AOPEP: variants seen among roughly 807,000 people sequenced by gnomAD.
The protein encoded by AOPEP is aminopeptidase O (putative).
Under a neutral mutation model 98.1 loss-of-function variants are expected in AOPEP, and 77 were observed. That is an observed-to-expected ratio of 0.78 (90% CI 0.65 to 0.95). The LOEUF is 0.95. Ranked by LOEUF, AOPEP falls within the 40% of genes least tolerant of loss-of-function variation. AOPEP has a pLI of 0.00. For synonymous variants in AOPEP, 346 were observed against 365.3 expected, an observed-to-expected ratio of 0.95 and a Z score of 0.60; for missense variants, 1,024 against 1,024.7, an observed-to-expected ratio of 1.00 and a Z score of 0.01.
chr9:95,135,482 A>G, the AOPEP span: 2 of 1,614,088 alleles, frequency 1.2e-6, no homozygotes, highest in Non-Finnish European at 8.5e-7. Context: ...TACAGCTGAC[A>G]TGGGGAGAGA....
intron 5 of AOPEP, among the ~76,000 whole-genome samples, chr9:94,888,866 T>C (rs2048547850): frequency 6.6e-6 from 1 of 152,218 alleles, no homozygotes; most frequent in African/African-American, 2.4e-5. Context: ...TCTCTCTGCA[T>C]GTGTACGTGT....
At chr9:95,053,627 A>G (rs2066577011) in intron 13 of AOPEP, among the ~76,000 whole-genome samples, 1 of 152,342 alleles carries the variant, frequency 6.6e-6, no homozygotes, top group East Asian at 1.9e-4. Flanking sequence ...GAATTATAAA[A>G]TGTATACTCT....
chr9:94,914,240 C>T (rs2052476537), intron 5 of AOPEP, among the ~76,000 whole-genome samples: 1 of 152,092 alleles, frequency 6.6e-6, no homozygotes, highest in Non-Finnish European at 1.5e-5. Context: ...TTATAAATGA[C>T]AAGGAGGCTC....
intron 13 of AOPEP, among the ~76,000 whole-genome samples, chr9:95,014,617 A>C (rs1049297153): frequency 1.1e-4 from 16 of 152,194 alleles, no homozygotes; most frequent in African/African-American, 3.6e-4. Flanking sequence ...CCCTGATTCC[A>C]TGTGGTAAGC....
Position 95,045,124 on chromosome 9 carries a change from T to A in AOPEP, c.2116-15570T>A, listed in dbSNP as rs932723051. The stretch of plus-strand genomic sequence containing the variant: ...CTTGTGCCCAAGGTCACAAGGTGAG[T>A]AGCCAGGCAGGATTAGACCCTGGTC... On this transcript the variant is annotated intron_variant, in intron 13 of 16. Transcript: ENST00000375315. Among the ~76,000 whole-genome samples, 4 of 152,170 alleles carry A rather than the reference T, an allele frequency of 2.6e-5. No homozygotes were observed. The East Asian group carries it at 7.7e-4, about 29-fold the overall frequency.
At chr9:94,760,814 T>TA in intron 2 of AOPEP, 1 of 372,554 alleles carries the variant, frequency 2.7e-6, no homozygotes, top group Non-Finnish European at 4.8e-6. Context: ...CCCTCCCTAT[T>TA]TCTGAGTTAA....
intron 11 of AOPEP, among the ~76,000 whole-genome samples, chr9:94,994,025 CCTT>C (rs1330006168): frequency 6.6e-6 from 1 of 152,176 alleles, no homozygotes; most frequent in Non-Finnish European, 1.5e-5. Flanking sequence ...CTGGTGTCTC[CCTT>C]CTTCTCCCGA....
At chr9:95,035,171 C>T (rs116792643) in intron 13 of AOPEP, among the ~76,000 whole-genome samples, 4 of 151,862 alleles carry the variant, frequency 2.6e-5, no homozygotes, top group African/African-American at 9.7e-5. Context: ...ACCCTGTTTC[C>T]GTGTGTTCTC....
At chr9:95,099,695 C>T in the AOPEP span, 36 of 232,190 alleles carry the variant, frequency 1.6e-4, no homozygotes, top group African/African-American at 8.0e-4. Context: ...ACAGTCCTCC[C>T]ACCCAGGAAC....
chr9:94,991,559 G>C (rs2060894443), intron 11 of AOPEP, among the ~76,000 whole-genome samples: 1 of 152,174 alleles, frequency 6.6e-6, no homozygotes, highest in South Asian at 2.1e-4. Context: ...TTTGTAATTT[G>C]GGTCCCATCT....
At chr9:94,977,428 G>A (rs946431843) in intron 10 of AOPEP, among the ~76,000 whole-genome samples, 1 of 152,056 alleles carries the variant, frequency 6.6e-6, no homozygotes, top group Non-Finnish European at 1.5e-5. Flanking sequence ...TTCTTCATTG[G>A]TGTTTCTCTC....
chr9:95,084,779 GCCCCC>G (rs1024967190), intron 16 of AOPEP, among the ~76,000 whole-genome samples: 2 of 150,358 alleles, frequency 1.3e-5, no homozygotes, highest in African/African-American at 4.9e-5. Context: ...TTGCAAGCCT[GCCCCC>G]CAACCAGTCC....
intron 5 of AOPEP, among the ~76,000 whole-genome samples, chr9:94,899,235 A>G (rs1260077052): frequency 9.5e-6 from 1 of 105,184 alleles, no homozygotes; most frequent in African/African-American, 3.8e-5. Context: ...CCCAGGCTGG[A>G]GTGCAGTGGC....
chr9:95,067,034 A>T (rs2067976732), intron 14 of AOPEP, among the ~76,000 whole-genome samples: 1 of 152,182 alleles, frequency 6.6e-6, no homozygotes, highest in East Asian at 1.9e-4. Flanking sequence ...TATACCTTAA[A>T]TGCCCTGAAA....
At chr9:94,953,012 G>A (rs748090250) in intron 7 of AOPEP, among the ~76,000 whole-genome samples, 1 of 152,230 alleles carries the variant, frequency 6.6e-6, no homozygotes, top group Non-Finnish European at 1.5e-5. Flanking sequence ...TCATTCTTCT[G>A]TGTTCCTCCC....
intron 1 of AOPEP, among the ~76,000 whole-genome samples, chr9:94,729,655 G>A (rs1285146057): frequency 6.6e-6 from 1 of 152,078 alleles, no homozygotes; most frequent in South Asian, 2.1e-4. Context: ...ATTCTCTGCT[G>A]TGGGGGGCTG....
At chr9:95,098,527 T>C in the AOPEP span, among the ~76,000 whole-genome samples, 1 of 152,074 alleles carries the variant, frequency 6.6e-6, no homozygotes, top group African/African-American at 2.4e-5. Context: ...GGGGCCCTAG[T>C]GTCCCATAGC....
intron 3 of AOPEP, among the ~76,000 whole-genome samples, chr9:94,783,208 G>T (rs907550194): frequency 6.6e-6 from 1 of 152,192 alleles, no homozygotes; most frequent in African/African-American, 2.4e-5. Flanking sequence ...AAAACCTATA[G>T]AGGCGCTTGT....
At chr9:95,139,960 G>C in the AOPEP span, among the ~76,000 whole-genome samples, 1 of 151,502 alleles carries the variant, frequency 6.6e-6, no homozygotes. Context: ...CAATACGTTA[G>C]TGACAGAAAC....
Sources: gnomAD v4.1 joint callset for allele counts (sites outside exome capture counted in the v4.1 genomes callset) on GRCh38, gnomAD v4.1.1 for gene constraint, MANE v1.5 for transcripts, NCBI Gene and HGNC (gene_info 2026-07-23, HGNC 2026-07-21) for gene names.